The following KCNH5 variants were observed in gnomAD, a reference collection of about 807,000 sequenced individuals.
The protein encoded by KCNH5 is potassium voltage-gated channel subfamily H member 5, also known as voltage-gated delayed rectifier potassium channel KCNH5.
KCNH5 carries 46 observed loss-of-function variants against 96.1 expected under a neutral mutation model. That is an observed-to-expected ratio of 0.48 (90% CI 0.38 to 0.61). The LOEUF (loss-of-function observed/expected upper bound fraction) is 0.61, where lower values mean the gene tolerates loss of function less well. Ranked by LOEUF, KCNH5 falls within the 20% of genes least tolerant of loss-of-function variation. The pLI is 0.00. For synonymous variants in KCNH5, 439 were observed against 449.8 expected (o/e 0.98, Z 0.30); for missense variants, 907 against 1,225.8 (o/e 0.74, Z 3.88).
At position 62,700,400 on chromosome 14, in the gene KCNH5, G is replaced by C. The variant is rs886380436; in HGVS notation, c.*7108C>G. ...CTGTGAACAGGTTCTAAGGTGGAAG[G>C]CGACTGCTTGATGGAAGATGCTGGT... On this transcript the variant is annotated 3_prime_UTR_variant, in exon 11 of 11. Transcript: ENST00000322893. 6.6e-6 allele frequency: 1 copy of C among 152,148 alleles called. No homozygotes were observed. The highest frequency in any genetic ancestry group is 6.6e-5 in the Admixed American group (1 of 15,266). 9.4% of individuals were successfully genotyped at this position (152,148 alleles called of 1,614,324 possible).
At chr14:62,729,888 G>T (rs1014532700) in intron 10 of KCNH5, among the ~76,000 whole-genome samples, 4 of 152,206 alleles carry the variant, frequency 2.6e-5, no homozygotes, top group Non-Finnish European at 4.4e-5. Context: ...GTCAGCAGAA[G>T]AGAGGCCCTG....
intron 7 of KCNH5, among the ~76,000 whole-genome samples, chr14:62,941,350 C>T (rs144888309): frequency 4.4e-4 from 67 of 152,246 alleles, no homozygotes; most frequent in African/African-American, 1.4e-3. Flanking sequence ...GCAAAAGACA[C>T]AAGCCCTAGT....
intron 8 of KCNH5, among the ~76,000 whole-genome samples, chr14:62,808,115 AATAAC>A (rs1566666986): frequency 1.3e-5 from 2 of 152,164 alleles, no homozygotes; most frequent in Non-Finnish European, 2.9e-5. Context: ...ACTAAAAGTT[AATAAC>A]ATAACATGTA....
At chr14:62,737,854 A>G (rs1885191324) in intron 10 of KCNH5, among the ~76,000 whole-genome samples, 1 of 152,108 alleles carries the variant, frequency 6.6e-6, no homozygotes, top group Admixed American at 6.6e-5. Context: ...TTTTATATAT[A>G]ACAAAATAGA....
chr14:62,728,153 G>A (rs1884973102), intron 10 of KCNH5, among the ~76,000 whole-genome samples: 1 of 151,556 alleles, frequency 6.6e-6, no homozygotes, highest in Non-Finnish European at 1.5e-5. Flanking sequence ...GGCTGAGGCG[G>A]GCAGATCATC....
At chr14:63,034,529 T>C (rs916778740) in intron 1 of KCNH5, among the ~76,000 whole-genome samples, 1 of 152,246 alleles carries the variant, frequency 6.6e-6, no homozygotes, top group Non-Finnish European at 1.5e-5. Flanking sequence ...ACATACTTCG[T>C]ACCTTCCACA....
intron 8 of KCNH5, among the ~76,000 whole-genome samples, chr14:62,833,534 T>C (rs76707528): frequency 0.11 from 16,363 of 152,062 alleles, 1,110 homozygotes; most frequent in East Asian, 0.29. Flanking sequence ...ATTATTCTAG[T>C]TTGTAAAATA....
At chr14:62,933,204 G>A (rs1889613439) in intron 7 of KCNH5, among the ~76,000 whole-genome samples, 2 of 151,928 alleles carry the variant, frequency 1.3e-5, no homozygotes, top group South Asian at 4.1e-4. Flanking sequence ...GTTACAGAAT[G>A]GAAGAGAATT....
intron 7 of KCNH5, among the ~76,000 whole-genome samples, chr14:62,850,537 G>T (rs1339343466): frequency 6.6e-6 from 1 of 152,036 alleles, no homozygotes; most frequent in East Asian, 1.9e-4. Flanking sequence ...TGTAAAGTTA[G>T]CCCACTGACA....
At chr14:62,964,857 C>A (rs545244511) in intron 6 of KCNH5, among the ~76,000 whole-genome samples, 1 of 152,078 alleles carries the variant, frequency 6.6e-6, no homozygotes, top group African/African-American at 2.4e-5. Flanking sequence ...TCATATTGAC[C>A]AACATCTCTA....
intron 7 of KCNH5, among the ~76,000 whole-genome samples, chr14:62,938,169 G>C (rs1164177210): frequency 1.3e-5 from 2 of 152,138 alleles, no homozygotes; most frequent in Admixed American, 6.5e-5. Flanking sequence ...GGGGGGTGTT[G>C]TTAAAAATAA....
chr14:63,044,801 T>C (rs1891891564), intron 1 of KCNH5, among the ~76,000 whole-genome samples: 1 of 152,170 alleles, frequency 6.6e-6, no homozygotes, highest in South Asian at 2.1e-4. Flanking sequence ...ACAAGAAAGA[T>C]AAAAGCAAAA....
intron 8 of KCNH5, among the ~76,000 whole-genome samples, chr14:62,809,803 T>C (rs1352005972): frequency 6.6e-6 from 1 of 152,176 alleles, no homozygotes; most frequent in Non-Finnish European, 1.5e-5. Flanking sequence ...CACGTATTAC[T>C]AAATTCTAGT....
At chr14:62,916,668 T>G (rs1251502179) in intron 7 of KCNH5, among the ~76,000 whole-genome samples, 5 of 152,148 alleles carry the variant, frequency 3.3e-5, no homozygotes, top group Admixed American at 6.5e-5. Flanking sequence ...ACACTACTAA[T>G]GAGATTTGAG....
At chr14:62,880,070 C>T (rs951251989) in intron 7 of KCNH5, among the ~76,000 whole-genome samples, 2 of 152,116 alleles carry the variant, frequency 1.3e-5, no homozygotes, top group African/African-American at 4.8e-5. Flanking sequence ...TGTATTATTA[C>T]ATTCAGTGAA....
intron 4 of KCNH5, among the ~76,000 whole-genome samples, chr14:62,987,895 T>G (rs1890740100): frequency 6.6e-6 from 1 of 152,150 alleles, no homozygotes; most frequent in African/African-American, 2.4e-5. Context: ...TAAAACTGAA[T>G]TTCAACAAAT....
intron 7 of KCNH5, among the ~76,000 whole-genome samples, chr14:62,876,909 TG>T (rs1211586630): frequency 6.6e-6 from 1 of 152,218 alleles, no homozygotes; most frequent in African/African-American, 2.4e-5. Flanking sequence ...TCACATTATA[TG>T]TAAAAATTTT....
chr14:62,750,470 A>C (rs1330070302), intron 10 of KCNH5, among the ~76,000 whole-genome samples: 1 of 152,182 alleles, frequency 6.6e-6, no homozygotes, highest in East Asian at 1.9e-4. Flanking sequence ...GCCGTGGCTG[A>C]GGGTACAAAC....
At chr14:62,959,858 C>T (rs975126889) in intron 6 of KCNH5, among the ~76,000 whole-genome samples, 12 of 152,160 alleles carry the variant, frequency 7.9e-5, no homozygotes, top group African/African-American at 2.7e-4. Flanking sequence ...GCATCTCTCT[C>T]CTCTATCTAC....
Sources: gnomAD v4.1 joint callset for allele counts (sites outside exome capture counted in the v4.1 genomes callset) on GRCh38, gnomAD v4.1.1 for gene constraint, MANE v1.5 for transcripts, NCBI Gene and HGNC (gene_info 2026-07-23, HGNC 2026-07-21) for gene names.